Variants in CACNA2D3 observed in about 807,000 individuals in gnomAD.
The protein encoded by CACNA2D3 is calcium voltage-gated channel auxiliary subunit alpha2delta 3.
A neutral mutation model predicts 160.6 loss-of-function variants in CACNA2D3; 60 were observed. That is an observed-to-expected ratio of 0.37 (90% CI 0.30 to 0.46). The LOEUF (loss-of-function observed/expected upper bound fraction) is 0.46, where lower values mean the gene tolerates loss of function less well. Among genes scored for constraint, CACNA2D3 ranks in the 20% least tolerant of loss-of-function variants. CACNA2D3 has a pLI of 1.00. For missense variants in CACNA2D3, 1,205 were observed against 1,365.0 expected, an observed-to-expected ratio of 0.88 and a Z score of 1.85; for synonymous variants, 558 against 492.9, an observed-to-expected ratio of 1.13 and a Z score of -1.75.
chr3:55,036,688 G>A (rs1355416069), intron 35 of CACNA2D3, among the ~76,000 whole-genome samples: 1 of 151,374 alleles, frequency 6.6e-6, no homozygotes, highest in Non-Finnish European at 1.5e-5. Context: ...GGCTGGTCTC[G>A]AACTCCTGAC....
chr3:54,926,733 A>G (rs1168368312), intron 27 of CACNA2D3, among the ~76,000 whole-genome samples: 3 of 152,116 alleles, frequency 2.0e-5, no homozygotes, highest in African/African-American at 7.2e-5. Flanking sequence ...TTTAGTATTA[A>G]TATTTACCCC....
intron 11 of CACNA2D3, among the ~76,000 whole-genome samples, chr3:54,716,016 GTAA>G (rs1319663270): frequency 2.0e-5 from 3 of 151,854 alleles, no homozygotes; most frequent in African/African-American, 7.3e-5. Context: ...TAATTTGATT[GTAA>G]TAATCATTAC....
chr3:54,809,084 A>G (rs943134221), intron 13 of CACNA2D3, among the ~76,000 whole-genome samples: 14 of 152,024 alleles, frequency 9.2e-5, no homozygotes, highest in South Asian at 2.1e-4. Flanking sequence ...CAGAGACGCT[A>G]TATTGTTGTC....
intron 27 of CACNA2D3, among the ~76,000 whole-genome samples, chr3:54,935,314 G>T (rs965280159): frequency 1.3e-5 from 2 of 152,146 alleles, no homozygotes; most frequent in Non-Finnish European, 2.9e-5. Context: ...TCTTCCCAAT[G>T]TCAGCCTTCC....
At chr3:54,319,352 T>C (rs2107506870) in intron 2 of CACNA2D3, among the ~76,000 whole-genome samples, 1 of 152,314 alleles carries the variant, frequency 6.6e-6, no homozygotes, top group Non-Finnish European at 1.5e-5. Flanking sequence ...CAACTAACTC[T>C]TAAGGTCTCT....
chr3:54,367,106 A>G (rs1394597270), intron 3 of CACNA2D3, among the ~76,000 whole-genome samples: 1 of 152,198 alleles, frequency 6.6e-6, no homozygotes, highest in East Asian at 1.9e-4. Flanking sequence ...CATTTGATAA[A>G]CTGCCAAGTC....
Position 54,245,224 on chromosome 3 carries a change from TA to T in CACNA2D3, c.205-75212del, listed in dbSNP as rs932166414. ...GAACACAGTCTTTTTATTTTTTTTT[TA>T]AAAAATTTAAATTTAATTTTAAGTT... On this transcript the variant is annotated intron_variant, in intron 2 of 37. Transcript: ENST00000474759. Among the ~76,000 whole-genome samples, 217 of 151,990 alleles carry T rather than the reference TA, an allele frequency of 1.4e-3. 1 individual carries two copies. The highest frequency in any genetic ancestry group is 5.0e-3 in the African/African-American group (208 of 41,500).
At chr3:54,535,158 A>T (rs771412840) in intron 5 of CACNA2D3, among the ~76,000 whole-genome samples, 84 of 152,348 alleles carry the variant, frequency 5.5e-4, no homozygotes, top group Non-Finnish European at 1.0e-3. Context: ...TCCCAAAACA[A>T]CAGCATCAAT....
chr3:54,644,539 T>C (rs1355665430), intron 11 of CACNA2D3, among the ~76,000 whole-genome samples: 1 of 152,244 alleles, frequency 6.6e-6, no homozygotes, highest in Non-Finnish European at 1.5e-5. Flanking sequence ...CAGTCATCTT[T>C]CTCCATTATT....
At chr3:54,391,487 G>C (rs1295214987) in intron 4 of CACNA2D3, among the ~76,000 whole-genome samples, 1 of 151,776 alleles carries the variant, frequency 6.6e-6, no homozygotes, top group Admixed American at 6.6e-5. Flanking sequence ...TCATTGGCGG[G>C]GTGGCTTTCT....
intron 2 of CACNA2D3, among the ~76,000 whole-genome samples, chr3:54,207,874 C>T (rs1701301104): frequency 6.6e-6 from 1 of 152,140 alleles, no homozygotes; most frequent in South Asian, 2.1e-4. Context: ...CATCTATTCT[C>T]ATGACACTTA....
chr3:54,255,678 G>A (rs1340533374), intron 2 of CACNA2D3, among the ~76,000 whole-genome samples: 6 of 152,044 alleles, frequency 3.9e-5, no homozygotes, highest in African/African-American at 1.4e-4. Flanking sequence ...TTGTATTCCA[G>A]AACCTTCCCT....
intron 28 of CACNA2D3, among the ~76,000 whole-genome samples, chr3:54,969,448 A>G (rs1702224110): frequency 6.6e-6 from 1 of 151,882 alleles, no homozygotes; most frequent in Non-Finnish European, 1.5e-5. Context: ...TTTAGTAGAG[A>G]TGGGATTTCG....
intron 12 of CACNA2D3, among the ~76,000 whole-genome samples, chr3:54,761,576 C>A (rs1005858620): frequency 2.0e-5 from 3 of 152,166 alleles, no homozygotes; most frequent in Non-Finnish European, 4.4e-5. Flanking sequence ...AGGAGCATTG[C>A]TAGAGCAGCA....
intron 2 of CACNA2D3, among the ~76,000 whole-genome samples, chr3:54,272,270 C>T (rs1250181254): frequency 6.6e-6 from 1 of 152,226 alleles, no homozygotes; most frequent in Admixed American, 6.5e-5. Context: ...TTTTGCCTCA[C>T]CTACCTCAAG....
At chr3:54,643,405 T>G (rs1699565830) in intron 11 of CACNA2D3, among the ~76,000 whole-genome samples, 1 of 151,996 alleles carries the variant, frequency 6.6e-6, no homozygotes, top group South Asian at 2.1e-4. Context: ...TGCAACATGG[T>G]CCCCAAATGG....
intron 2 of CACNA2D3, among the ~76,000 whole-genome samples, chr3:54,149,621 C>G (rs1188880782): frequency 2.6e-5 from 4 of 152,136 alleles, no homozygotes; most frequent in African/African-American, 7.2e-5. Flanking sequence ...CCTCTGATGC[C>G]TGGAGCCCAG....
intron 4 of CACNA2D3, among the ~76,000 whole-genome samples, chr3:54,440,230 C>A (rs559646116): frequency 7.9e-4 from 121 of 152,264 alleles, no homozygotes; most frequent in African/African-American, 2.8e-3. Flanking sequence ...AAATGCCACC[C>A]AGCTCTGACC....
intron 9 of CACNA2D3, among the ~76,000 whole-genome samples, chr3:54,606,717 T>C (rs970545889): frequency 6.6e-5 from 10 of 152,112 alleles, no homozygotes; most frequent in Non-Finnish European, 1.3e-4. Context: ...CCTGCAAATG[T>C]AGCCCTGTGC....
Sources: gnomAD v4.1 joint callset for allele counts (sites outside exome capture counted in the v4.1 genomes callset) on GRCh38, gnomAD v4.1.1 for gene constraint, MANE v1.5 for transcripts, NCBI Gene and HGNC (gene_info 2026-07-23, HGNC 2026-07-21) for gene names.